The following CPA4 variants were observed in gnomAD, a reference collection of about 807,000 sequenced individuals.
The protein encoded by CPA4 is carboxypeptidase A4.
A neutral mutation model predicts 54.7 loss-of-function variants in CPA4; 49 were observed. The observed-to-expected ratio is 0.90, with a 90% CI of 0.71 to 1.14. The LOEUF (loss-of-function observed/expected upper bound fraction) is 1.14. CPA4 is among the 50% of genes most tolerant of loss of function. The pLI is 0.00. For synonymous variants in CPA4, 215 were observed against 206.8 expected, an observed-to-expected ratio of 1.04 and a Z score of -0.34; for missense variants, 487 against 525.1, an observed-to-expected ratio of 0.93 and a Z score of 0.71.
intron 4 of CPA4, among the ~76,000 whole-genome samples, chr7:130,301,657 C>T (rs551748709): frequency 6.6e-6 from 1 of 152,162 alleles, no homozygotes; most frequent in Non-Finnish European, 1.5e-5. Flanking sequence ...GATATACAGA[C>T]ATGGTGTTGT....
intron 10 of CPA4, among the ~76,000 whole-genome samples, chr7:130,316,805 C>T (rs140707511): frequency 1.4e-3 from 208 of 151,306 alleles, no homozygotes; most frequent in African/African-American, 4.7e-3. Context: ...TTGTGGTGTG[C>T]GCCTGTAATC....
At chr7:130,301,134 A>T (rs1269968733) in intron 4 of CPA4, among the ~76,000 whole-genome samples, 1 of 152,106 alleles carries the variant, frequency 6.6e-6, no homozygotes, top group Non-Finnish European at 1.5e-5. Flanking sequence ...TCCCTCAACC[A>T]TCCTTCTCTC....
chr7:130,306,397 A>G, intron 6 of CPA4: 1 of 220,362 alleles, frequency 4.5e-6, no homozygotes, highest in South Asian at 8.8e-5. Context: ...AAAGAAAGAA[A>G]GAAAGTCTGC....
At position 130,308,218 on chromosome 7, in the gene CPA4, G is replaced by T. The variant is rs1385481755; in HGVS notation, c.703-89G>T. Reference sequence around the variant, plus strand: ...CTCCTGGCAGAACTGCAAGCAGCCTGCCCTGCCTGCGTGTCATCTCCACCC... The same window carrying T: ...CTCCTGGCAGAACTGCAAGCAGCCTTCCCTGCCTGCGTGTCATCTCCACCC... On this transcript the variant is annotated intron_variant, in intron 7 of 10. Coordinates refer to ENST00000222482, the MANE Select transcript of CPA4 (RefSeq NM_016352.4). 3 of 1,100,640 alleles carry T rather than the reference G, an allele frequency of 2.7e-6. No homozygotes were observed. The African/African-American group carries it at 4.6e-5, about 17-fold the overall frequency. The allele number at this position is 1,100,640 out of a possible 1,614,324, so 68.2% of individuals were successfully genotyped here.
chr7:130,315,229 G>A (rs1793971277), intron 10 of CPA4, among the ~76,000 whole-genome samples: 1 of 152,086 alleles, frequency 6.6e-6, no homozygotes, highest in African/African-American at 2.4e-5. Context: ...CAGATGGTAT[G>A]TAGAAGAGGG....
At position 130,322,828 on chromosome 7, in the gene CPA4, T is replaced by A; in HGVS notation, c.*152T>A. 1.4e-6 allele frequency: 1 copy of A among 697,596 alleles called. No homozygotes were observed. Among genetic ancestry groups the A allele is most frequent in the Non-Finnish European group, 2.3e-6 (1 of 436,008 alleles). 43.2% of individuals were successfully genotyped at this position (697,596 alleles called of 1,614,324 possible). On this transcript the variant is annotated 3_prime_UTR_variant, in exon 11 of 11. Transcript: ENST00000222482. ...CCCCTCTCCAGCCAGCTCCCTGGAG[T>A]CGTGTGTCCTGGCAGTGTCCCTGCA...
Position 130,306,817 on chromosome 7 carries a change from A to G in CPA4, c.622A>G (p.Ile208Val), listed in dbSNP as rs375703596. ...IVSDYQRDPA[I>V]TSILEKMDIF... ...ATCTGATTACCAGAGGGATCCAGCT[A>G]TCACCTCCATCTTGGAGAAAATGGA... Residue 208 changes from isoleucine to valine, a missense_variant, in exon 7 of 11, where the codon ATC becomes GTC. Transcript: ENST00000222482. 3.7e-6 allele frequency: 6 copies of G among 1,609,384 alleles called. No individual in the cohort carries two copies. The Admixed American group carries it at 5.0e-5, about 13-fold the overall frequency.
intron 10 of CPA4, among the ~76,000 whole-genome samples, chr7:130,318,226 A>G (rs888946959): frequency 6.6e-6 from 1 of 152,244 alleles, no homozygotes; most frequent in Non-Finnish European, 1.5e-5. Flanking sequence ...GGGGGTCACC[A>G]GGGTCCTGGC....
chr7:130,310,756 T>A lies in CPA4; in HGVS notation c.794-31T>A. Reference sequence around the variant, plus strand: ...CATTTCTGTGTTCTTGGACTATGAGTTAATGTTTGTTCTTGGGCTATCCCC... The same window carrying A: ...CATTTCTGTGTTCTTGGACTATGAGATAATGTTTGTTCTTGGGCTATCCCC... On this transcript the variant is annotated intron_variant, in intron 8 of 10. Coordinates refer to ENST00000222482, the MANE Select transcript of CPA4 (RefSeq NM_016352.4). The surrounding 1 kb of genome is among the most constrained non-coding windows in gnomAD (Gnocchi z 4.3). 3 of 1,598,396 alleles carry A rather than the reference T, an allele frequency of 1.9e-6. No homozygotes were observed. The highest frequency in any genetic ancestry group is 2.6e-6 in the Non-Finnish European group (3 of 1,165,826).
rs567682966 is a variant in CPA4, at chr7:130,317,931, G to T, written c.1079-4558G>T. On this transcript the variant is annotated intron_variant, in intron 10 of 10. Coordinates refer to ENST00000222482, the MANE Select transcript of CPA4 (RefSeq NM_016352.4). ...CACTTCAGACCCCCTCTTTTAGGAAGATTCTCCATCCACCCCCCGGGCCCT... is the reference window on the plus strand; with the variant it reads ...CACTTCAGACCCCCTCTTTTAGGAATATTCTCCATCCACCCCCCGGGCCCT... 7.9e-5 allele frequency among the ~76,000 whole-genome samples: 12 copies of T among 152,248 alleles called. No individual in the cohort carries two copies. In the South Asian group the frequency reaches 2.5e-3, roughly 32 times the overall value.
chr7:130,314,403 G>A (rs893794639), intron 10 of CPA4, among the ~76,000 whole-genome samples: 3 of 152,218 alleles, frequency 2.0e-5, no homozygotes, highest in Non-Finnish European at 4.4e-5. Context: ...CAGGATAATC[G>A]CTGACCAGGG....
chr7:130,298,757 TG>T lies in CPA4; in HGVS notation c.81del (p.Arg28GlyfsTer13). ...CGCTTCTTCCCCAGGGACCAAGTTT[TG>T]AGGATTAATGTCAGAAATGGAGACG... ...GQEKFFGDQV[L>X]RINVRNGDEI... On this transcript the variant is annotated frameshift_variant, in exon 2 of 11. Coordinates refer to ENST00000222482, the MANE Select transcript of CPA4 (RefSeq NM_016352.4). LOFTEE classifies it high-confidence loss of function. 1.2e-6 allele frequency: 2 copies of T among 1,608,914 alleles called. No individual in the cohort carries two copies. The highest frequency in any genetic ancestry group is 8.5e-7 in the Non-Finnish European group (1 of 1,175,476).
intron 6 of CPA4, 22 bp from the exon 7 acceptor site, chr7:130,306,765 C>T (rs1793827093): frequency 7.3e-7 from 1 of 1,374,798 alleles, no homozygotes; most frequent in African/African-American, 1.4e-5. Context: ...GGATAGCTGA[C>T]AAGCATATTG....
At chr7:130,318,788 AG>A (rs369390545) in intron 10 of CPA4, among the ~76,000 whole-genome samples, 5 of 152,076 alleles carry the variant, frequency 3.3e-5, no homozygotes, top group Admixed American at 6.5e-5. Flanking sequence ...TCAAAAAAAA[AG>A]CAATCAATTT....
chr7:130,305,121 G>A (rs1395245495), intron 5 of CPA4, among the ~76,000 whole-genome samples: 1 of 152,224 alleles, frequency 6.6e-6, no homozygotes, highest in African/African-American at 2.4e-5. Context: ...GAATGAATAA[G>A]AAGGAATTTG....
intron 5 of CPA4, 57 bp from the exon 6 acceptor site, chr7:130,305,759 G>A (rs962658708): frequency 9.2e-6 from 11 of 1,200,328 alleles, no homozygotes; most frequent in Non-Finnish European, 1.4e-5. Context: ...GGAGAGAGGA[G>A]AAGTGAGCAG....
In CPA4 at chr7:130,305,875, C is replaced by G; in HGVS notation, c.546C>G (p.Ser182=). ...PAVWLNAGIH[S]REWISQATAI... ...TTTGGCTGAATGCAGGCATCCATTC[C>G]CGAGAGTGGATCTCCCAGGCCACTG... The change falls in exon 6 of 11, where the codon TCC becomes TCG. Residue 182 remains serine (S), a synonymous_variant. Coordinates refer to ENST00000222482, the MANE Select transcript of CPA4 (RefSeq NM_016352.4). 2 of 1,614,110 alleles carry G rather than the reference C, an allele frequency of 1.2e-6. No individual in the cohort carries two copies. Among genetic ancestry groups the G allele is most frequent in the Non-Finnish European group, 1.7e-6 (2 of 1,179,976 alleles).
At chr7:130,311,083 A>C in intron 9 of CPA4, 97 bp downstream of exon 9, 1 of 934,386 alleles carries the variant, frequency 1.1e-6, no homozygotes, top group South Asian at 1.4e-5. Context: ...AGGGTCCAGG[A>C]GCCTAGGCAT....
In CPA4 at chr7:130,310,968, C is replaced by A; in HGVS notation, c.975C>A (p.Ala325=). 1 of 1,613,922 alleles carries A rather than the reference C, an allele frequency of 6.2e-7. No individual in the cohort carries two copies. The highest frequency in any genetic ancestry group is 8.5e-7 in the Non-Finnish European group (1 of 1,180,002). ...MYPYGYSVKK[A]PDAEELDKVA... ...CATATGGGTACTCAGTCAAAAAGGC[C>A]CCAGATGCCGAGGAACTCGTGAGTC... is the stretch of plus-strand genomic sequence containing the variant. The change falls in exon 9 of 11, where the codon GCC becomes GCA. Residue 325 remains alanine (A), a synonymous_variant. Transcript: ENST00000222482. The surrounding 1 kb of genome is among the most constrained non-coding windows in gnomAD (Gnocchi z 4.3).
Sources: allele counts gnomAD v4.1 joint callset (sites outside exome capture counted in the v4.1 genomes callset), GRCh38; gene constraint gnomAD v4.1.1; non-coding constraint Gnocchi (gnomAD v3.1); transcripts MANE v1.5; gene names NCBI Gene and HGNC (gene_info 2026-07-23, HGNC 2026-07-21).